Variants in TIAM1 observed in about 807,000 individuals in gnomAD.
TIAM1 encodes rho guanine nucleotide exchange factor TIAM1.
A neutral mutation model predicts 163.5 loss-of-function variants in TIAM1; 65 were observed. That is an observed-to-expected ratio of 0.40 (90% CI 0.33 to 0.49). The LOEUF (loss-of-function observed/expected upper bound fraction) is 0.49, where lower values mean the gene tolerates loss of function less well. TIAM1 is among the 20% of genes least tolerant of loss of function. The probability of loss-of-function intolerance (pLI) is 0.77; values close to 1 mark genes in which losing one functional copy is unlikely to be tolerated. For synonymous variants in TIAM1, 833 were observed against 810.1 expected, an observed-to-expected ratio of 1.03 and a Z score of -0.48; for missense variants, 1,789 against 2,044.7, an observed-to-expected ratio of 0.87 and a Z score of 2.41.
At chr21:31,442,066 A>AAAAAAAAAAAAAAAAAAAT (rs1202451553) in intron 2 of TIAM1, among the ~76,000 whole-genome samples, 1 of 18,786 alleles carries the variant, frequency 5.3e-5, no homozygotes, top group African/African-American at 2.4e-4. Flanking sequence ...AGAACAAATA[A>AAAAAAAAAAAAAAAAAAAT]ATAAATATAT....
chr21:31,337,658 C>A (rs143987719), intron 2 of TIAM1, among the ~76,000 whole-genome samples: 2,211 of 151,610 alleles, frequency 0.015, 53 homozygotes, highest in African/African-American at 0.051. Context: ...CAGCCTCCCG[C>A]GTAGCTGAGA....
chr21:31,164,231 A>G (rs2084086753), intron 16 of TIAM1, among the ~76,000 whole-genome samples: 1 of 152,190 alleles, frequency 6.6e-6, no homozygotes, highest in East Asian at 1.9e-4. Context: ...TCTACTAAAA[A>G]TACAAAAAAT....
intron 4 of TIAM1, among the ~76,000 whole-genome samples, chr21:31,261,582 G>A (rs557912623): frequency 6.6e-6 from 1 of 152,250 alleles, no homozygotes; most frequent in Non-Finnish European, 1.5e-5. Flanking sequence ...GCGCCGTGGT[G>A]CATGCCTGTA....
intron 4 of TIAM1, among the ~76,000 whole-genome samples, chr21:31,256,352 G>A (rs1011995426): frequency 2.6e-5 from 4 of 152,086 alleles, no homozygotes; most frequent in African/African-American, 7.2e-5. Flanking sequence ...GTTATAAGTC[G>A]AATGCAATTA....
chr21:31,184,456 G>T lies in TIAM1; in HGVS notation c.2663-1811C>A, dbSNP rs573960202. ...ATACCCCCAATATCTTTCTAGACAC[G>T]CCAGGTGTTGGGATCGTGTTTGTGG... On this transcript the variant is annotated intron_variant, in intron 14 of 27. Transcript: ENST00000541036. Among the ~76,000 whole-genome samples, 4 of 152,158 alleles carry T rather than the reference G, an allele frequency of 2.6e-5. No homozygotes were observed. In the East Asian group the frequency reaches 7.7e-4, roughly 29 times the overall value.
At chr21:31,347,570 A>G (rs999957939), upstream of TIAM1, among the ~76,000 whole-genome samples, 3 of 152,224 alleles carry the variant, frequency 2.0e-5, no homozygotes, top group Non-Finnish European at 4.4e-5. Context: ...ATCAGCAGCA[A>G]TGAACTTATA....
intron 1 of TIAM1, among the ~76,000 whole-genome samples, chr21:31,545,669 T>C (rs2048463278): frequency 6.6e-6 from 1 of 152,140 alleles, no homozygotes; most frequent in Non-Finnish European, 1.5e-5. Flanking sequence ...AGGGTCTTGG[T>C]TCAATCCCAG....
intron 15 of TIAM1, among the ~76,000 whole-genome samples, chr21:31,166,312 C>T (rs1166695865): frequency 2.6e-5 from 4 of 152,150 alleles, no homozygotes; most frequent in African/African-American, 7.2e-5. Flanking sequence ...TATAACCAGA[C>T]AAGAGAGAAG....
intron 4 of TIAM1, among the ~76,000 whole-genome samples, chr21:31,256,588 T>TCCACACACACAC (rs71318263): frequency 7.8e-6 from 1 of 128,162 alleles, no homozygotes; most frequent in Non-Finnish European, 1.6e-5. Flanking sequence ...TACCCCTCAC[T>TCCACACACACAC]ACACACACAC....
At chr21:31,245,791 G>T in intron 5 of TIAM1, 131 bp from the exon 6 acceptor site, 2 of 870,942 alleles carry the variant, frequency 2.3e-6, no homozygotes, top group Non-Finnish European at 3.1e-6. Context: ...GAAGTAAAGA[G>T]AATGGAGCCA....
intron 1 of TIAM1, among the ~76,000 whole-genome samples, chr21:31,534,026 C>T (rs1342826822): frequency 6.6e-6 from 1 of 152,194 alleles, no homozygotes; most frequent in Non-Finnish European, 1.5e-5. Context: ...GACACACATG[C>T]CCTGTGGTCT....
chr21:31,361,878 T>TAGATAGATAGATAGATAGAC (rs1172591062), intron 2 of TIAM1, among the ~76,000 whole-genome samples: 3 of 149,292 alleles, frequency 2.0e-5, no homozygotes, highest in South Asian at 2.1e-4. Context: ...GATAGATAGA[T>TAGATAGATAGATAGATAGAC]AGACAGACAT....
At chr21:31,292,117 C>T (rs1054374826) in intron 2 of TIAM1, among the ~76,000 whole-genome samples, 1 of 152,210 alleles carries the variant, frequency 6.6e-6, no homozygotes, top group Non-Finnish European at 1.5e-5. Flanking sequence ...CTTAATATCC[C>T]TACGAATCAC....
intron 2 of TIAM1, among the ~76,000 whole-genome samples, chr21:31,412,034 C>T (rs904901562): frequency 9.2e-5 from 14 of 152,126 alleles, no homozygotes; most frequent in Admixed American, 2.0e-4. Context: ...GAATCCACCT[C>T]GGTGTCTATC....
intron 2 of TIAM1, among the ~76,000 whole-genome samples, chr21:31,284,749 C>T (rs1174918474): frequency 3.3e-5 from 5 of 151,996 alleles, no homozygotes; most frequent in Non-Finnish European, 7.4e-5. Flanking sequence ...TGGTCTTGAA[C>T]TCCTGACCTC....
At chr21:31,136,129 T>C (rs1323272483) in intron 22 of TIAM1, 88 bp from the exon 23 acceptor site, 1 of 1,150,054 alleles carries the variant, frequency 8.7e-7, no homozygotes, top group Non-Finnish European at 1.3e-6. Context: ...CATGCTGATA[T>C]TAATTTTACT....
chr21:31,152,992 CCCCATTTTT>C (rs1299681180), intron 18 of TIAM1, 65 bp downstream of exon 18: 47 of 1,401,994 alleles, frequency 3.4e-5, no homozygotes, highest in Non-Finnish European at 3.0e-5. Context: ...TTACGCATGT[CCCCATTTTT>C]CCTCTTTACC....
intron 2 of TIAM1, among the ~76,000 whole-genome samples, chr21:31,289,923 C>G (rs1601839757): frequency 6.6e-6 from 1 of 152,226 alleles, no homozygotes; most frequent in African/African-American, 2.4e-5. Flanking sequence ...GGAAGTGAAA[C>G]AGACACTAGG....
chr21:31,333,498 C>A (rs189168510), intron 2 of TIAM1, among the ~76,000 whole-genome samples: 2 of 152,096 alleles, frequency 1.3e-5, no homozygotes, highest in African/African-American at 4.8e-5. Context: ...AGTGCAGTGG[C>A]GCAAACATGG....
Sources: allele counts gnomAD v4.1 joint callset (sites outside exome capture counted in the v4.1 genomes callset), GRCh38; gene constraint gnomAD v4.1.1; transcripts MANE v1.5; gene names NCBI Gene and HGNC (gene_info 2026-07-23, HGNC 2026-07-21).